CTNNA3: variants seen among roughly 807,000 people sequenced by gnomAD.
The protein encoded by CTNNA3 is catenin alpha-3.
Under a neutral mutation model 95.7 loss-of-function variants are expected in CTNNA3, and 76 were observed. The observed-to-expected ratio is 0.79, with a 90% CI of 0.66 to 0.96. The LOEUF is 0.96. Ranked by LOEUF, CTNNA3 falls within the 40% of genes least tolerant of loss-of-function variation. CTNNA3 has a pLI of 0.00. For missense variants in CTNNA3, 1,191 were observed against 1,089.8 expected (o/e 1.09, Z -1.31); for synonymous variants, 431 against 374.4 (o/e 1.15, Z -1.74).
chr10:66,616,149 A>G (rs1016069519), intron 10 of CTNNA3, among the ~76,000 whole-genome samples: 1 of 151,990 alleles, frequency 6.6e-6, no homozygotes, highest in East Asian at 1.9e-4. Context: ...GATCCATTAG[A>G]GGATCTAAGG....
At position 66,375,588 on chromosome 10, in the gene CTNNA3, C is replaced by CA. The variant is rs147027212; in HGVS notation, c.1732+3563_1732+3564insT. On this transcript the variant is annotated intron_variant, in intron 12 of 17. Transcript: ENST00000433211. ...AAGATTGTAGGACAGAGCTGCAATG[C>CA]CAAAAAAAAAAAGCATGTTTTAATC... Among the ~76,000 whole-genome samples, 958 of 143,194 alleles carry CA rather than the reference C, an allele frequency of 6.7e-3. 12 individuals carry two copies. The highest frequency in any genetic ancestry group is 0.016 in the African/African-American group (632 of 39,448). The allele number at this position is 143,194 out of a possible 152,430, so 93.9% of individuals were successfully genotyped here.
intron 10 of CTNNA3, among the ~76,000 whole-genome samples, chr10:66,546,346 T>C (rs1437454344): frequency 6.6e-6 from 1 of 152,168 alleles, no homozygotes. Flanking sequence ...GAATATATTT[T>C]CCCCACTTTT....
rs117637900 is a variant in CTNNA3 at position 67,019,297 on chromosome 10, C to T, written c.1047+161020G>A. Among the ~76,000 whole-genome samples, 470 of 152,332 alleles carry T rather than the reference C, an allele frequency of 3.1e-3. 8 individuals are homozygous for T. In the East Asian group the frequency reaches 0.062, roughly 20 times the overall value. On this transcript the variant is annotated intron_variant, in intron 7 of 17. Transcript: ENST00000433211. ...GTAATGGCGTTATCTTGGCTCACCA[C>T]AACCTCTGCCTTCCGGGTCCAAGCG...
intron 7 of CTNNA3, among the ~76,000 whole-genome samples, chr10:66,777,046 C>T (rs918131712): frequency 8.5e-5 from 13 of 152,114 alleles, no homozygotes; most frequent in Admixed American, 7.9e-4. Context: ...TAGCATTTAG[C>T]TCTCAAGGCA....
chr10:66,160,648 G>T (rs1010245417), intron 13 of CTNNA3, among the ~76,000 whole-genome samples: 1 of 152,016 alleles, frequency 6.6e-6, no homozygotes, highest in African/African-American at 2.4e-5. Flanking sequence ...AATAAAATGT[G>T]TATTCTGTGG....
intron 11 of CTNNA3, among the ~76,000 whole-genome samples, chr10:66,381,230 C>G (rs942326257): frequency 2.6e-5 from 4 of 152,124 alleles, no homozygotes; most frequent in South Asian, 2.1e-4. Context: ...TTGGCCTGAA[C>G]AGTCTGTCCC....
At chr10:66,549,074 C>T (rs1337835034) in intron 10 of CTNNA3, among the ~76,000 whole-genome samples, 6 of 141,810 alleles carry the variant, frequency 4.2e-5, no homozygotes, top group African/African-American at 1.0e-4. Context: ...CTGCAAGCTC[C>T]GGTTCCCGGG....
chr10:67,257,089 T>A lies in CTNNA3; in HGVS notation c.580-37219A>T, dbSNP rs571141188. On this transcript the variant is annotated intron_variant, in intron 5 of 17. Coordinates refer to ENST00000433211, the MANE Select transcript of CTNNA3 (RefSeq NM_013266.4). ...CATGTTTATAATTTTAGAATTCTGA[T>A]AGCAGATAATCATTTTATAACTATA... 2.2e-3 allele frequency among the ~76,000 whole-genome samples: 332 copies of A among 152,358 alleles called. 3 individuals are homozygous for A. The highest frequency in any genetic ancestry group is 7.6e-3 in the African/African-American group (316 of 41,600).
At chr10:67,610,386 GTCT>G (rs1378238649) in intron 2 of CTNNA3, among the ~76,000 whole-genome samples, 2 of 152,154 alleles carry the variant, frequency 1.3e-5, no homozygotes, top group Non-Finnish European at 2.9e-5. Flanking sequence ...TTGTACCTAC[GTCT>G]TCTTTTAAAA....
At chr10:67,637,995 T>A (rs1308408323) in intron 2 of CTNNA3, among the ~76,000 whole-genome samples, 1 of 152,098 alleles carries the variant, frequency 6.6e-6, no homozygotes, top group Non-Finnish European at 1.5e-5. Flanking sequence ...AATGACAGGA[T>A]CAAATTCACA....
chr10:67,159,721 T>C (rs983950355), intron 7 of CTNNA3, among the ~76,000 whole-genome samples: 4 of 152,052 alleles, frequency 2.6e-5, no homozygotes, highest in African/African-American at 9.7e-5. Flanking sequence ...AAAAATCATC[T>C]GAAAATGGAT....
chr10:66,277,729 G>C (rs752423041), intron 13 of CTNNA3, among the ~76,000 whole-genome samples: 1 of 152,026 alleles, frequency 6.6e-6, no homozygotes, highest in African/African-American at 2.4e-5. Flanking sequence ...AGATAGAGAC[G>C]ATGACCCTCT....
At chr10:66,853,253 ATG>A (rs1843559750) in intron 7 of CTNNA3, among the ~76,000 whole-genome samples, 1 of 152,058 alleles carries the variant, frequency 6.6e-6, no homozygotes, top group Non-Finnish European at 1.5e-5. Context: ...CAGAGAGTAT[ATG>A]GCTCACAAAG....
At chr10:66,448,831 A>G (rs552876697) in intron 11 of CTNNA3, among the ~76,000 whole-genome samples, 1 of 152,170 alleles carries the variant, frequency 6.6e-6, no homozygotes, top group East Asian at 1.9e-4. Flanking sequence ...GTGTAATAAT[A>G]ATAAAATTAA....
rs190788263 is a variant in CTNNA3, at chr10:66,403,855, C to T, written c.1532-24503G>A. Among the ~76,000 whole-genome samples, 19 of 152,230 alleles carry T rather than the reference C, an allele frequency of 1.2e-4. No homozygotes were observed. The East Asian group carries it at 1.4e-3, about 11-fold the overall frequency. Reference sequence around the variant, plus strand: ...CTGGGCATCAGCCAAGCTAACTTTGCGAGGAATTTATAGTTTAACTTTGAA... The same window carrying T: ...CTGGGCATCAGCCAAGCTAACTTTGTGAGGAATTTATAGTTTAACTTTGAA... On this transcript the variant is annotated intron_variant, in intron 11 of 17. Transcript: ENST00000433211.
chr10:67,304,138 T>C (rs1462361336), intron 5 of CTNNA3, among the ~76,000 whole-genome samples: 2 of 152,174 alleles, frequency 1.3e-5, no homozygotes, highest in Non-Finnish European at 2.9e-5. Context: ...TGGGCAAAAT[T>C]AAGGGTCTGC....
chr10:66,998,614 AT>A (rs1423754607), intron 7 of CTNNA3, among the ~76,000 whole-genome samples: 3 of 152,214 alleles, frequency 2.0e-5, no homozygotes, highest in African/African-American at 7.2e-5. Context: ...CACATTGGAA[AT>A]AAAGAAGTTT....
At chr10:66,103,092 A>C in intron 14 of CTNNA3, 65 bp downstream of exon 14, 1 of 1,344,930 alleles carries the variant, frequency 7.4e-7, no homozygotes. Flanking sequence ...GCCTAGATTG[A>C]CAAAGGGAGG....
chr10:66,673,626 A>G (rs1016880427), intron 9 of CTNNA3, among the ~76,000 whole-genome samples: 5 of 152,152 alleles, frequency 3.3e-5, no homozygotes, highest in South Asian at 2.1e-4. Context: ...CAATTTATGA[A>G]TAATTAAATT....
Sources: gnomAD v4.1 joint callset for allele counts (sites outside exome capture counted in the v4.1 genomes callset) on GRCh38, gnomAD v4.1.1 for gene constraint, MANE v1.5 for transcripts, NCBI Gene and HGNC (gene_info 2026-07-23, HGNC 2026-07-21) for gene names.